Variants in PRDM11 observed in about 807,000 individuals in gnomAD.
PRDM11 encodes PR domain-containing protein 11.
A neutral mutation model predicts 97.8 loss-of-function variants in PRDM11; 20 were observed. The ratio of observed to expected loss-of-function variants is 0.20; its 90% confidence interval spans 0.14 to 0.30. The LOEUF (loss-of-function observed/expected upper bound fraction) is 0.30, where lower values mean the gene tolerates loss of function less well. Ranked by LOEUF, PRDM11 falls within the 10% of genes least tolerant of loss-of-function variation. The probability of loss-of-function intolerance (pLI) is 1.00; values close to 1 mark genes in which losing one functional copy is unlikely to be tolerated. For synonymous variants in PRDM11, 599 were observed against 637.7 expected, an observed-to-expected ratio of 0.94 and a Z score of 0.91; for missense variants, 1,139 against 1,555.2, an observed-to-expected ratio of 0.73 and a Z score of 4.50.
chr11:45,190,865 A>C (rs1197263946), intron 4 of PRDM11, among the ~76,000 whole-genome samples: 12 of 152,246 alleles, frequency 7.9e-5, no homozygotes, highest in Admixed American at 5.2e-4. Context: ...GTATAAAAAC[A>C]GACAATGGGG....
At chr11:45,212,901 G>A (rs867653226) in intron 5 of PRDM11, 7 of 421,934 alleles carry the variant, frequency 1.7e-5, no homozygotes, top group East Asian at 7.1e-5. Flanking sequence ...GCATCTCAGC[G>A]GGGGCCAGAA....
intron 4 of PRDM11, among the ~76,000 whole-genome samples, chr11:45,197,133 C>G (rs944888760): frequency 6.6e-6 from 1 of 152,118 alleles, no homozygotes; most frequent in African/African-American, 2.4e-5. Context: ...TGTCAACATG[C>G]CTCATTAACT....
At chr11:45,223,290 G>A (rs181599515) in intron 6 of PRDM11, among the ~76,000 whole-genome samples, 89 of 152,302 alleles carry the variant, frequency 5.8e-4, no homozygotes, top group Non-Finnish European at 7.5e-4. Context: ...ACAACAGAGT[G>A]GGTCTCTGTC....
intron 1 of PRDM11, among the ~76,000 whole-genome samples, chr11:45,161,447 A>G (rs1026789821): frequency 2.0e-5 from 3 of 152,200 alleles, no homozygotes; most frequent in Non-Finnish European, 4.4e-5. Flanking sequence ...ACCAGAGCCT[A>G]CGGGGAGGGA....
Position 45,219,450 on chromosome 11 carries a change from C to A in PRDM11, c.555-120C>A. On this transcript the variant is annotated intron_variant, in intron 5 of 7. Transcript: ENST00000683152. This position sits in a 1 kb window ranked among gnomAD's most constrained non-coding sequence, Gnocchi z 4.2. The stretch of plus-strand genomic sequence containing the variant: ...AGGGCAGCTGCTCTGCTGATGTTCA[C>A]ATGGGCCCACGTGCCTGTGGACTTC... 1 of 980,770 alleles carries A rather than the reference C, an allele frequency of 1.0e-6. No individual in the cohort carries two copies. Among genetic ancestry groups the A allele is most frequent in the Non-Finnish European group, 1.5e-6 (1 of 667,740 alleles). The allele number at this position is 980,770 out of a possible 1,614,324, so 60.8% of individuals were successfully genotyped here.
At position 45,213,256 on chromosome 11, in the gene PRDM11, G is replaced by T. The variant is rs996615157; in HGVS notation, c.555-6314G>T. The T allele has an allele frequency of 1.5e-5, 7 of 456,548 alleles. No individual in the cohort carries two copies. The East Asian group carries it at 4.2e-4, about 27-fold the overall frequency. The allele number at this position is 456,548 out of a possible 1,614,324, so 28.3% of individuals were successfully genotyped here. On this transcript the variant is annotated intron_variant, in intron 5 of 7. Coordinates refer to ENST00000683152, the MANE Select transcript of PRDM11 (RefSeq NM_001384648.1). ...CTCATCTTTGGCGGATGCTGAAGAT[G>T]CAAGAAAAGCCACCTGCTTGATGCT...
chr11:45,220,456 C>T (rs961658657), intron 6 of PRDM11, among the ~76,000 whole-genome samples: 1 of 152,232 alleles, frequency 6.6e-6, no homozygotes, highest in Non-Finnish European at 1.5e-5. Context: ...CAGCTATAAA[C>T]TTTTAATACT....
At chr11:45,183,216 G>A in intron 4 of PRDM11, 93 bp downstream of exon 4, 1 of 1,442,868 alleles carries the variant, frequency 6.9e-7, no homozygotes, top group Middle Eastern at 2.5e-4. Flanking sequence ...CTTGGCCCCA[G>A]AACTTTTCTA....
intron 5 of PRDM11, among the ~76,000 whole-genome samples, chr11:45,211,961 TGGTGCTCAGA>T (rs1397956531): frequency 6.6e-6 from 1 of 152,208 alleles, no homozygotes; most frequent in Non-Finnish European, 1.5e-5. Flanking sequence ...TCAGAAAGTC[TGGTGCTCAGA>T]GGGCCAAGAG....
At chr11:45,198,702 AT>A (rs1853218786) in intron 4 of PRDM11, among the ~76,000 whole-genome samples, 1 of 152,210 alleles carries the variant, frequency 6.6e-6, no homozygotes, top group African/African-American at 2.4e-5. Context: ...CAGATAGCAG[AT>A]TTGCTCAGAG....
chr11:45,177,239 G>C (rs1690226920), intron 1 of PRDM11, among the ~76,000 whole-genome samples: 2 of 152,208 alleles, frequency 1.3e-5, no homozygotes, highest in Admixed American at 1.3e-4. Flanking sequence ...CCCTTCTTTT[G>C]GGTTTGCAGC....
chr11:45,186,404 GGA>G (rs1310628953), intron 4 of PRDM11, among the ~76,000 whole-genome samples: 1 of 152,142 alleles, frequency 6.6e-6, no homozygotes, highest in Non-Finnish European at 1.5e-5. Flanking sequence ...AGAGATGCTG[GGA>G]TGACAGGGAA....
intron 1 of PRDM11, among the ~76,000 whole-genome samples, chr11:45,118,474 A>C (rs1852351332): frequency 6.6e-6 from 1 of 152,228 alleles, no homozygotes; most frequent in African/African-American, 2.4e-5. Context: ...TAAATTCATC[A>C]ACACATAAAA....
At chr11:45,225,031 C>T (rs1420201360) in intron 7 of PRDM11, 188 bp downstream of exon 7, 4 of 1,451,336 alleles carry the variant, frequency 2.8e-6, no homozygotes, top group South Asian at 1.5e-5. Flanking sequence ...GCAGCTCTGC[C>T]AGGTGCTCCA....
chr11:45,171,889 A>C (rs1213453144), intron 1 of PRDM11, among the ~76,000 whole-genome samples: 2 of 150,884 alleles, frequency 1.3e-5, no homozygotes, highest in African/African-American at 4.9e-5. Flanking sequence ...GGATTCTCCA[A>C]CCCAACTGGG....
rs1246326747 is a variant in PRDM11, at chr11:45,224,499, A to G, written c.1025A>G (p.Tyr342Cys). ...RKVPKYQDDA[Y>C]SQCATTMTHG... ...GTCCCCAAATACCAGGATGACGCCT[A>G]CAGTCAGTGTGCAACAACAATGACC... Residue 342 changes from tyrosine (Y) to cysteine (C), a missense_variant, in exon 7 of 8, where the codon TAC (tyrosine) becomes TGC (cysteine). Tyr to Cys is a radical substitution (Grantham distance 194). Around this residue, in one of 2 missense-constraint regions of PRDM11, gnomAD observed 429 missense variants for 510.3 expected, o/e 0.84. Coordinates refer to ENST00000683152, the MANE Select transcript of PRDM11 (RefSeq NM_001384648.1). 1.2e-6 allele frequency: 2 copies of G among 1,614,088 alleles called. No homozygotes were observed. The highest frequency in any genetic ancestry group is 1.3e-5 in the African/African-American group (1 of 74,936).
rs759235657 is a variant in PRDM11 at position 45,227,022 on chromosome 11, G to T, written c.2397G>T (p.Pro799=). The change falls in exon 8 of 8, where the codon CCG becomes CCT. Residue 799 remains proline, a synonymous_variant. Coordinates refer to ENST00000683152, the MANE Select transcript of PRDM11 (RefSeq NM_001384648.1). This position sits in a 1 kb window ranked among gnomAD's most constrained non-coding sequence, Gnocchi z 8.0. ...TGCTGAGCTTCTACCGCTACTCACCGCGCCTCATGTGCGAGCTGCGGTCCA... is the reference window on the plus strand; with the variant it reads ...TGCTGAGCTTCTACCGCTACTCACCTCGCCTCATGTGCGAGCTGCGGTCCA... The part of the protein sequence containing the change: ...KQLLSFYRYS[P]RLMCELRSTA... The T allele has an allele frequency of 5.2e-6, 8 of 1,533,962 alleles. No individual in the cohort carries two copies. The highest frequency in any genetic ancestry group is 7.0e-6 in the Non-Finnish European group (8 of 1,146,724).
At chr11:45,140,414 C>T (rs748993661) in intron 1 of PRDM11, among the ~76,000 whole-genome samples, 10 of 152,260 alleles carry the variant, frequency 6.6e-5, no homozygotes, top group Non-Finnish European at 1.2e-4. Flanking sequence ...TCTATTCTTT[C>T]ACGACAGTGC....
At position 45,228,082 on chromosome 11, in the gene PRDM11, A is replaced by C. The variant is rs764388919; in HGVS notation, c.3457A>C (p.Ser1153Arg). ...TTACGCGCTGTCTGCAGAAGTCCTC[A>C]GTAGGATGTCTGCGCTGGAGCAGAA... ...NSYALSAEVL[S>R]RMSALEQKPA... The change falls in exon 8 of 8, where the codon AGT becomes CGT. Residue 1153 changes from serine (S) to arginine (R), a missense_variant. Coordinates refer to ENST00000683152, the MANE Select transcript of PRDM11 (RefSeq NM_001384648.1). 6.5e-7 allele frequency: 1 copy of C among 1,533,860 alleles called. No individual in the cohort carries two copies. The highest frequency in any genetic ancestry group is 1.4e-5 in the African/African-American group (1 of 73,054).
Sources: allele counts gnomAD v4.1 joint callset (sites outside exome capture counted in the v4.1 genomes callset), GRCh38; gene constraint gnomAD v4.1.1; regional missense constraint gnomAD v4.1.1; non-coding constraint Gnocchi (gnomAD v3.1); transcripts MANE v1.5; gene names NCBI Gene and HGNC (gene_info 2026-07-23, HGNC 2026-07-21).